RIT2: variants seen among roughly 807,000 people sequenced by gnomAD.
RIT2 encodes Ras like without CAAX 2, also known as GTP-binding protein Rit2.
In RIT2, 24 loss-of-function variants were observed where a neutral mutation model predicts 23.7. The observed-to-expected ratio is 1.01, with a 90% confidence interval of 0.73 to 1.43. The LOEUF (loss-of-function observed/expected upper bound fraction) is 1.43, where lower values mean the gene tolerates loss of function less well. RIT2 is among the 40% of genes most tolerant of loss of function. The pLI is 0.00. For synonymous variants in RIT2, 107 were observed against 91.1 expected (o/e 1.17, Z -0.99); for missense variants, 236 against 266.9 (o/e 0.88, Z 0.81).
intron 4 of RIT2, among the ~76,000 whole-genome samples, chr18:42,887,729 G>A (rs1179710296): frequency 2.6e-5 from 4 of 152,146 alleles, no homozygotes; most frequent in African/African-American, 9.7e-5. Context: ...CAAAAGCTTT[G>A]TTCATAATTT....
chr18:43,115,438 C>T lies in RIT2; in HGVS notation c.82G>A (p.Ala28Thr). The T allele has an allele frequency of 3.1e-6, 5 of 1,613,624 alleles. No individual in the cohort carries two copies. The highest frequency in any genetic ancestry group is 4.2e-6 in the Non-Finnish European group (5 of 1,179,776). The change falls in exon 1 of 5, where the codon GCA becomes ACA. Residue 28 changes from alanine (A) to threonine (T), a missense_variant. Ala to Thr is a moderately conservative substitution (Grantham distance 58). Coordinates refer to ENST00000326695, the MANE Select transcript of RIT2 (RefSeq NM_002930.4). ...SREYKVVMLG[A>T]GGVGKSAMTM... The stretch of plus-strand genomic sequence containing the variant: ...TTACCGCTTTTACCAACTCCCCCTG[C>T]TCCCAGCATTACCACCTTGTACTCT...
At chr18:42,896,242 C>A (rs1307564458) in intron 4 of RIT2, among the ~76,000 whole-genome samples, 2 of 152,112 alleles carry the variant, frequency 1.3e-5, no homozygotes, top group Non-Finnish European at 1.5e-5. Flanking sequence ...CCAGCCTGGG[C>A]AACAAGAGTG....
rs181169251 is a variant in RIT2 at position 42,754,929 on chromosome 18, G to T, written c.427-11209C>A. On this transcript the variant is annotated intron_variant, in intron 4 of 4. Coordinates refer to ENST00000326695, the MANE Select transcript of RIT2 (RefSeq NM_002930.4). ...AAATGCCTACAATTGTGCTACAGTG[G>T]GTAGGTTCTGGAATCACATTACTAG... Among the ~76,000 whole-genome samples, 491 of 152,208 alleles carry T rather than the reference G, an allele frequency of 3.2e-3. 3 individuals carry two copies. Among genetic ancestry groups the T allele is most frequent in the Non-Finnish European group, 6.0e-3 (409 of 68,002 alleles).
At chr18:43,102,097 T>C (rs1044172873) in intron 1 of RIT2, among the ~76,000 whole-genome samples, 9 of 152,330 alleles carry the variant, frequency 5.9e-5, no homozygotes, top group African/African-American at 2.2e-4. Context: ...CAGGGAGAAG[T>C]GATGCTTTGA....
intron 4 of RIT2, among the ~76,000 whole-genome samples, chr18:42,843,981 A>C (rs972388836): frequency 2.0e-5 from 3 of 152,198 alleles, no homozygotes; most frequent in Non-Finnish European, 4.4e-5. Context: ...AATATAAAAG[A>C]GATAGAGTCT....
chr18:43,114,183 T>C (rs1227017702), intron 1 of RIT2, among the ~76,000 whole-genome samples: 1 of 152,180 alleles, frequency 6.6e-6, no homozygotes, highest in Non-Finnish European at 1.5e-5. Flanking sequence ...ATAATTTTTT[T>C]CACTTTGATA....
At chr18:43,055,829 C>A (rs2144315449) in intron 1 of RIT2, among the ~76,000 whole-genome samples, 1 of 152,066 alleles carries the variant, frequency 6.6e-6, no homozygotes, top group Admixed American at 6.6e-5. Flanking sequence ...CAGAGGTGTA[C>A]CACAGGTCTA....
At chr18:43,021,390 C>T (rs149726823) in intron 2 of RIT2, among the ~76,000 whole-genome samples, 28 of 152,028 alleles carry the variant, frequency 1.8e-4, no homozygotes, top group East Asian at 1.8e-3. Context: ...TAACAGATCC[C>T]GGCAAGGATG....
chr18:42,919,654 C>T (rs1216856560), intron 4 of RIT2, among the ~76,000 whole-genome samples: 1 of 151,900 alleles, frequency 6.6e-6, no homozygotes, highest in African/African-American at 2.4e-5. Flanking sequence ...GTGGAAGTTG[C>T]AGTGAGTGGA....
At chr18:42,748,346 A>G (rs555924583) in intron 4 of RIT2, among the ~76,000 whole-genome samples, 47 of 152,236 alleles carry the variant, frequency 3.1e-4, no homozygotes, top group Non-Finnish European at 6.5e-4. Flanking sequence ...AATACTCAAC[A>G]TCAGTAATGA....
intron 4 of RIT2, among the ~76,000 whole-genome samples, chr18:42,824,366 A>ATGAAGATG (rs1362724073): frequency 2.6e-4 from 40 of 152,198 alleles, no homozygotes; most frequent in African/African-American, 9.6e-4. Flanking sequence ...GGAATGACTT[A>ATGAAGATG]TGAAGATGTG....
chr18:42,965,543 C>T (rs977369605), intron 3 of RIT2, among the ~76,000 whole-genome samples: 2 of 151,860 alleles, frequency 1.3e-5, no homozygotes, highest in African/African-American at 4.8e-5. Flanking sequence ...TAAATCCTTT[C>T]CCAATTGTTC....
intron 1 of RIT2, among the ~76,000 whole-genome samples, chr18:43,110,597 A>C (rs1913930733): frequency 6.6e-6 from 1 of 152,074 alleles, no homozygotes; most frequent in Non-Finnish European, 1.5e-5. Context: ...AGGGTGGGTG[A>C]GTGGCGGGCA....
chr18:42,957,980 A>G (rs1413664709), intron 3 of RIT2, among the ~76,000 whole-genome samples: 1 of 152,140 alleles, frequency 6.6e-6, no homozygotes, highest in Non-Finnish European at 1.5e-5. Flanking sequence ...GACATTGATC[A>G]TTAAGATTTT....
chr18:42,968,137 T>C (rs1403955966), intron 3 of RIT2, among the ~76,000 whole-genome samples: 1 of 152,196 alleles, frequency 6.6e-6, no homozygotes, highest in Non-Finnish European at 1.5e-5. Context: ...TTGGTTTCTA[T>C]TTTCTCGTCT....
chr18:42,831,615 C>T (rs1291002960), intron 4 of RIT2, among the ~76,000 whole-genome samples: 1 of 151,872 alleles, frequency 6.6e-6, no homozygotes, highest in Non-Finnish European at 1.5e-5. Flanking sequence ...GGAAATGTGA[C>T]GGAGGGTCTA....
At chr18:42,891,716 T>C (rs905074361) in intron 4 of RIT2, among the ~76,000 whole-genome samples, 1 of 152,060 alleles carries the variant, frequency 6.6e-6, no homozygotes, top group Non-Finnish European at 1.5e-5. Flanking sequence ...CAATGAAAAG[T>C]GCCGTGGTTG....
intron 3 of RIT2, among the ~76,000 whole-genome samples, chr18:42,967,062 A>T (rs189485112): frequency 1.3e-3 from 203 of 152,256 alleles, no homozygotes; most frequent in African/African-American, 4.6e-3. Flanking sequence ...TAAATCAAGG[A>T]AAAGCTGAAA....
intron 1 of RIT2, among the ~76,000 whole-genome samples, chr18:43,064,660 A>G (rs1011795343): frequency 2.0e-5 from 3 of 152,164 alleles, no homozygotes; most frequent in South Asian, 2.1e-4. Flanking sequence ...GAAGTTCTGA[A>G]AGAACAATGG....
Sources: gnomAD v4.1 joint callset for allele counts (sites outside exome capture counted in the v4.1 genomes callset) on GRCh38, gnomAD v4.1.1 for gene constraint, MANE v1.5 for transcripts, NCBI Gene and HGNC (gene_info 2026-07-23, HGNC 2026-07-21) for gene names.